ADK: variants seen among roughly 807,000 people sequenced by gnomAD.
The protein encoded by ADK is adenosine kinase.
In ADK, 24 loss-of-function variants were observed where a neutral mutation model predicts 44.7. The observed-to-expected ratio is 0.54, with a 90% CI of 0.39 to 0.76. The LOEUF is 0.76. Ranked by LOEUF, ADK falls within the 30% of genes least tolerant of loss-of-function variation. The probability of loss-of-function intolerance (pLI) is 0.00; values close to 1 mark genes in which losing one functional copy is unlikely to be tolerated. For synonymous variants in ADK, 128 were observed against 142.6 expected, an observed-to-expected ratio of 0.90 and a Z score of 0.73; for missense variants, 321 against 425.1, an observed-to-expected ratio of 0.76 and a Z score of 2.15.
intron 1 of ADK, among the ~76,000 whole-genome samples, chr10:74,169,352 T>C (rs1842106915): frequency 6.6e-6 from 1 of 152,262 alleles, no homozygotes; most frequent in African/African-American, 2.4e-5. Flanking sequence ...GATAGTGATA[T>C]TCACTTCTAT....
At chr10:74,349,856 A>C (rs1182098962) in intron 4 of ADK, among the ~76,000 whole-genome samples, 1 of 152,230 alleles carries the variant, frequency 6.6e-6, no homozygotes, top group East Asian at 1.9e-4. Context: ...CAATGCAACA[A>C]GAAGAGCTAT....
chr10:74,400,193 G>A (rs1475650949), intron 6 of ADK, among the ~76,000 whole-genome samples: 2 of 152,088 alleles, frequency 1.3e-5, no homozygotes, highest in East Asian at 3.8e-4. Context: ...TTTGGGTGGT[G>A]TATTCAGCCA....
intron 2 of ADK, among the ~76,000 whole-genome samples, chr10:74,208,749 A>G (rs989191321): frequency 1.3e-5 from 2 of 150,822 alleles, no homozygotes; most frequent in Non-Finnish European, 3.0e-5. Context: ...TTTATTTTTT[A>G]TTTTTGAGTT....
chr10:74,379,995 A>G (rs1842929552), intron 4 of ADK, among the ~76,000 whole-genome samples: 1 of 152,234 alleles, frequency 6.6e-6, no homozygotes, highest in South Asian at 2.1e-4. Context: ...ACTGCACTCC[A>G]GTCTGAGTGA....
chr10:74,662,767 G>C (rs542420552), intron 9 of ADK, among the ~76,000 whole-genome samples: 1 of 152,228 alleles, frequency 6.6e-6, no homozygotes, highest in African/African-American at 2.4e-5. Flanking sequence ...CTCTGCACTT[G>C]AATGTTCTAC....
intron 1 of ADK, among the ~76,000 whole-genome samples, chr10:74,172,404 T>C (rs1394627557): frequency 2.0e-5 from 3 of 152,102 alleles, no homozygotes; most frequent in Non-Finnish European, 2.9e-5. Context: ...GCTAGACAGC[T>C]GATTGGCTGG....
At chr10:74,216,180 AG>A (rs1325898154) in intron 2 of ADK, among the ~76,000 whole-genome samples, 3 of 152,124 alleles carry the variant, frequency 2.0e-5, no homozygotes, top group Non-Finnish European at 4.4e-5. Flanking sequence ...TACATTATGA[AG>A]GTAGTATATT....
chr10:74,182,191 A>G (rs1206047956), intron 1 of ADK, among the ~76,000 whole-genome samples: 2 of 152,194 alleles, frequency 1.3e-5, no homozygotes, highest in South Asian at 4.1e-4. Flanking sequence ...TAAAGTTTTC[A>G]AACTCATTTT....
chr10:74,405,457 T>C (rs1843885526), intron 6 of ADK, among the ~76,000 whole-genome samples: 1 of 151,950 alleles, frequency 6.6e-6, no homozygotes, highest in African/African-American at 2.4e-5. Context: ...ATGAAACCTT[T>C]CCCATTCTTT....
chr10:74,276,300 C>T (rs749887575), intron 3 of ADK, among the ~76,000 whole-genome samples: 4 of 152,138 alleles, frequency 2.6e-5, no homozygotes, highest in African/African-American at 4.8e-5. Flanking sequence ...ACTTTTTCTT[C>T]GCTGGTTGCA....
chr10:74,551,326 C>T (rs369499629), intron 7 of ADK: 7 of 152,104 alleles, frequency 4.6e-5, no homozygotes, highest in African/African-American at 1.7e-4. Context: ...ATGAAAATAT[C>T]ATGGTCTTGG....
chr10:74,469,309 A>T (rs1846474000), intron 6 of ADK, among the ~76,000 whole-genome samples: 1 of 152,220 alleles, frequency 6.6e-6, no homozygotes, highest in African/African-American at 2.4e-5. Flanking sequence ...ACTGCACTCC[A>T]GCCTGGGTGA....
chr10:74,460,104 C>T (rs116527752), intron 6 of ADK, among the ~76,000 whole-genome samples: 2,493 of 152,262 alleles, frequency 0.016, 43 homozygotes, highest in African/African-American at 0.041. Flanking sequence ...AACTGTTTCT[C>T]GGCTCCAAGA....
At chr10:74,559,260 G>A (rs1850372413) in intron 7 of ADK, among the ~76,000 whole-genome samples, 1 of 152,234 alleles carries the variant, frequency 6.6e-6, no homozygotes, top group Non-Finnish European at 1.5e-5. Context: ...CTGGGTTGTG[G>A]GGACCAGGCG....
At chr10:74,695,681 G>T (rs1856171855) in intron 10 of ADK, among the ~76,000 whole-genome samples, 1 of 149,454 alleles carries the variant, frequency 6.7e-6, no homozygotes, top group South Asian at 2.1e-4. Context: ...TGTTGCCCAG[G>T]ATAGAATGAG....
At chr10:74,433,901 G>A (rs1488823221) in intron 6 of ADK, among the ~76,000 whole-genome samples, 2 of 152,168 alleles carry the variant, frequency 1.3e-5, no homozygotes, top group Non-Finnish European at 2.9e-5. Context: ...AATTGGAGGT[G>A]AGGAAGATTA....
chr10:74,653,421 C>T (rs1031152821), intron 9 of ADK, among the ~76,000 whole-genome samples: 2 of 152,098 alleles, frequency 1.3e-5, no homozygotes, highest in African/African-American at 4.8e-5. Context: ...CATTGCTGTC[C>T]AGCCTGGGTG....
chr10:74,523,776 T>G (rs1356713441), intron 6 of ADK, among the ~76,000 whole-genome samples: 1 of 152,222 alleles, frequency 6.6e-6, no homozygotes, highest in Admixed American at 6.5e-5. Context: ...TTTTCTTCTT[T>G]GCCTTCCACA....
intron 10 of ADK, among the ~76,000 whole-genome samples, chr10:74,706,689 GTTC>G (rs1476511262): frequency 6.6e-6 from 1 of 152,022 alleles, no homozygotes; most frequent in Non-Finnish European, 1.5e-5. Flanking sequence ...CTCTGGCTTT[GTTC>G]TTCTTTTTCA....
Sources: allele counts gnomAD v4.1 joint callset (sites outside exome capture counted in the v4.1 genomes callset), GRCh38; gene constraint gnomAD v4.1.1; transcripts MANE v1.5; gene names NCBI Gene and HGNC (gene_info 2026-07-23, HGNC 2026-07-21).